Variants in PEG3 observed in about 807,000 individuals in gnomAD.
PEG3 encodes paternally expressed 3.
PEG3 carries 23 observed loss-of-function variants against 35.5 expected under a neutral mutation model. The observed-to-expected ratio is 0.65, with a 90% CI of 0.47 to 0.92. The LOEUF (loss-of-function observed/expected upper bound fraction) is 0.92. PEG3 is among the 40% of genes least tolerant of loss of function. PEG3 has a pLI of 0.00. For missense variants in PEG3, 1,960 were observed against 1,985.3 expected, an observed-to-expected ratio of 0.99 and a Z score of 0.24; for synonymous variants, 707 against 697.0, an observed-to-expected ratio of 1.01 and a Z score of -0.23.
chr19:56,840,106 C>T (rs928136988), intron 1 of PEG3, among the ~76,000 whole-genome samples: 1 of 152,216 alleles, frequency 6.6e-6, no homozygotes, highest in Non-Finnish European at 1.5e-5. Context: ...ATTTTCGCAG[C>T]CCCCAGACCC....
intron 7 of PEG3, among the ~76,000 whole-genome samples, chr19:56,820,031 A>C (rs1601001662): frequency 6.6e-6 from 1 of 152,212 alleles, no homozygotes; most frequent in East Asian, 1.9e-4. Flanking sequence ...TTCTTTTTTC[A>C]CATGAAAGAA....
At position 56,811,447 on chromosome 19, in the gene PEG3, C is replaced by T. The variant is rs1432000507; in HGVS notation, c.*2228G>A. ...TATATTTCCACGTTGCTACATAACTCGTGATTATCATTTTTAAACAGTTGC... is the reference window on the plus strand; with the variant it reads ...TATATTTCCACGTTGCTACATAACTTGTGATTATCATTTTTAAACAGTTGC... On this transcript the variant is annotated 3_prime_UTR_variant, in exon 10 of 10. Coordinates refer to ENST00000326441, the MANE Select transcript of PEG3 (RefSeq NM_006210.3). 87 of 944,390 alleles carry T rather than the reference C, an allele frequency of 9.2e-5. No individual in the cohort carries two copies. The highest frequency in any genetic ancestry group is 1.1e-4 in the Non-Finnish European group (86 of 792,748). The allele number at this position is 944,390 out of a possible 1,614,324, so 58.5% of individuals were successfully genotyped here.
At position 56,817,781 on chromosome 19, in the gene PEG3, C is replaced by T. The variant is rs368583066; in HGVS notation, c.827G>A (p.Arg276Lys). The T allele has an allele frequency of 6.2e-7, 1 of 1,614,022 alleles. No homozygotes were observed. Among genetic ancestry groups the T allele is most frequent in the Non-Finnish European group, 8.5e-7 (1 of 1,180,030 alleles). Residue 276 changes from arginine (R) to lysine (K), a missense_variant, in exon 9 of 10, where the codon AGA becomes AAA. Transcript: ENST00000326441. ...HSHMTQGHSS[R>K]SKRSAYPSTS... ...GCTTGGGTAGGCACTTCTCTTGGAT[C>T]TTGATGAGTGGCCCTGCGTCATGTG... is the stretch of plus-strand genomic sequence containing the variant.
rs758475116 is a variant in PEG3, at chr19:56,816,132, C to T, written c.2310G>A (p.Glu770=). The change falls in exon 10 of 10, where the codon GAG becomes GAA. Residue 770 remains glutamate (E), a synonymous_variant. Transcript: ENST00000326441. ...TAACAGACCTCTCATATGATTTTGC[C>T]TCATAGACATTTTCCTTAGTGGGAA... is the stretch of plus-strand genomic sequence containing the variant. ...QKIPTKENVY[E]AKSYERSVIH... 5.0e-6 allele frequency: 8 copies of T among 1,613,522 alleles called. No individual in the cohort carries two copies. The South Asian group carries it at 8.8e-5, about 18-fold the overall frequency.
At position 56,815,954 on chromosome 19, in the gene PEG3, A is replaced by G. The variant is rs773321061; in HGVS notation, c.2488T>C (p.Tyr830His). Residue 830 changes from tyrosine to histidine, a missense_variant, in exon 10 of 10, where the codon TAC becomes CAC. Physicochemically the swap from Tyr to His is moderately conservative, Grantham distance 83 (BLOSUM62 2). Coordinates refer to ENST00000326441, the MANE Select transcript of PEG3 (RefSeq NM_006210.3). Reference sequence around the variant, plus strand: ...AAGCTATGGATAACAGACCTACTGTATTCCCTTCCTTCAGAGGTGTTCCCT... The same window carrying G: ...AAGCTATGGATAACAGACCTACTGTGTTCCCTTCCTTCAGAGGTGTTCCCT... The part of the protein sequence containing the change: ...AGGNTSEGRE[Y>H]SRSVIHSLVA... 1 of 1,594,794 alleles carries G rather than the reference A, an allele frequency of 6.3e-7. No homozygotes were observed. The highest frequency in any genetic ancestry group is 2.2e-5 in the East Asian group (1 of 44,762).
chr19:56,835,936 C>T, intron 2 of PEG3, 82 bp downstream of exon 2: 2 of 459,840 alleles, frequency 4.3e-6, no homozygotes, highest in South Asian at 1.5e-5. Context: ...AACACATATG[C>T]AGTAGGAAAG....
chr19:56,816,289 T>A lies in PEG3; in HGVS notation c.2153A>T (p.Tyr718Phe). 6.2e-7 allele frequency: 1 copy of A among 1,614,000 alleles called. No individual in the cohort carries two copies. The highest frequency in any genetic ancestry group is 1.1e-5 in the South Asian group (1 of 91,076). The change falls in exon 10 of 10, where the codon TAT becomes TTT. Residue 718 changes from tyrosine (Y) to phenylalanine (F), a missense_variant. Physicochemically the swap from Tyr to Phe is conservative, Grantham distance 22. This residue lies in a region of PEG3 where 798 missense variants were observed against 782.4 expected (regional missense o/e 1.02). Coordinates refer to ENST00000326441, the MANE Select transcript of PEG3 (RefSeq NM_006210.3). ...CCCACTATGAATGACAGATTTCTCATACCCTCTGCCTTCAAAGAGGTTCTT... is the reference window on the plus strand; with the variant it reads ...CCCACTATGAATGACAGATTTCTCAAACCCTCTGCCTTCAAAGAGGTTCTT... ...SRKNLFEGRG[Y>F]EKSVIHSGPF... is the part of the protein sequence containing the mutation.
rs376017612 is a variant in PEG3 at position 56,811,137 on chromosome 19, T to A, written c.*2538A>T. On this transcript the variant is annotated 3_prime_UTR_variant, in exon 10 of 10. Coordinates refer to ENST00000326441, the MANE Select transcript of PEG3 (RefSeq NM_006210.3). ...CACTTTTCTGTATTTTCCAAGTGTG[T>A]GATAATGAGTTCAAATTATGTTCAC... 24 of 982,208 alleles carry A rather than the reference T, an allele frequency of 2.4e-5. No individual in the cohort carries two copies. In the African/African-American group the frequency reaches 3.5e-4, roughly 14 times the overall value. 60.8% of individuals were successfully genotyped at this position (982,208 alleles called of 1,614,324 possible). A position where few individuals can be genotyped will look rare whatever the true frequency, so the allele number is the denominator to read the frequency against.
rs377543997 is a variant in PEG3, at chr19:56,821,643, G to A, written c.669+8C>T. ...GCCTTTCTAGAAAGAGAGGAAACCT[G>A]AGCATACCTGAGATCGGGACTCATA... On this transcript the variant is annotated splice_region_variant and intron_variant, in intron 7 of 9. Coordinates refer to ENST00000326441, the MANE Select transcript of PEG3 (RefSeq NM_006210.3). 1 of 1,613,462 alleles carries A rather than the reference G, an allele frequency of 6.2e-7. No homozygotes were observed. The highest frequency in any genetic ancestry group is 1.1e-5 in the South Asian group (1 of 91,050).
intron 3 of PEG3, 139 bp from the exon 4 acceptor site, chr19:56,824,880 G>A: frequency 1.9e-6 from 1 of 526,198 alleles, no homozygotes; most frequent in Non-Finnish European, 3.4e-6. Flanking sequence ...GCACAAAGTT[G>A]GCCTCAGCAC....
At position 56,822,793 on chromosome 19, in the gene PEG3, C is replaced by G; in HGVS notation, c.525G>C (p.Glu175Asp). 6.2e-7 allele frequency: 1 copy of G among 1,614,136 alleles called. No individual in the cohort carries two copies. The highest frequency in any genetic ancestry group is 8.5e-7 in the Non-Finnish European group (1 of 1,180,026). Reference protein sequence around the residue: ...WDRRGRSRDMEPRDRWSHTRN... With the variant: ...WDRRGRSRDMDPRDRWSHTRN... Reference sequence around the variant, plus strand: ...TGGTGTGGGACCAGCGGTCTCGTGGCTCCATGTCTCTGCTTCTGCCCCTCC... The same window carrying G: ...TGGTGTGGGACCAGCGGTCTCGTGGGTCCATGTCTCTGCTTCTGCCCCTCC... Residue 175 changes from glutamate to aspartate, a missense_variant, in exon 6 of 10, where the codon GAG becomes GAC. Transcript: ENST00000326441.
chr19:56,815,658 AT>A lies in PEG3; in HGVS notation c.2783del (p.Asn928MetfsTer24). 1 of 1,614,124 alleles carries A rather than the reference AT, an allele frequency of 6.2e-7. No individual in the cohort carries two copies. The highest frequency in any genetic ancestry group is 1.1e-5 in the South Asian group (1 of 91,080). ...KDGEFSVPSS[N>X]VREYQKARAK... is the part of the protein sequence containing the mutation. The stretch of plus-strand genomic sequence containing the variant: ...CACGAGCCTTCTGGTATTCACGGAC[AT>A]TTGAGCTGGGAACAGAGAATTCGCC... On this transcript the variant is annotated frameshift_variant, in exon 10 of 10. Transcript: ENST00000326441. LOFTEE classifies it low-confidence loss of function (END_TRUNC).
Position 56,817,822 on chromosome 19 carries a change from T to C in PEG3, c.786A>G (p.Glu262=), listed in dbSNP as rs996556413. The C allele has an allele frequency of 3.1e-6, 5 of 1,614,030 alleles. No homozygotes were observed. Among genetic ancestry groups the C allele is most frequent in the Non-Finnish European group, 4.2e-6 (5 of 1,179,976 alleles). ...RKLLSLVQLA[E]DDGHSHMTQG... The stretch of plus-strand genomic sequence containing the variant: ...GCGTCATGTGGGAGTGGCCATCGTC[T>C]TCAGCAAGCTGCACTCCTGGTCACA... The change falls in exon 9 of 10, where the codon GAA becomes GAG. Residue 262 remains glutamate, a synonymous_variant. Transcript: ENST00000326441.
At chr19:56,820,134 A>C (rs995569077) in intron 7 of PEG3, among the ~76,000 whole-genome samples, 1 of 152,248 alleles carries the variant, frequency 6.6e-6, no homozygotes, top group Non-Finnish European at 1.5e-5. Flanking sequence ...ATGACATCTT[A>C]ATGCATACAA....
chr19:56,816,762 G>A lies in PEG3; in HGVS notation c.1680C>T (p.Asp560=), dbSNP rs986516947. The part of the protein sequence containing the change: ...FSELQKIYGK[D]KFYECRVCKE... Reference sequence around the variant, plus strand: ...TACACACCCTGCACTCGTAGAATTTGTCTTTGCCATATATTTTCTGAAGCT... The same window carrying A: ...TACACACCCTGCACTCGTAGAATTTATCTTTGCCATATATTTTCTGAAGCT... Residue 560 remains aspartate, a synonymous_variant, in exon 10 of 10, where the codon GAC becomes GAT. Coordinates refer to ENST00000326441, the MANE Select transcript of PEG3 (RefSeq NM_006210.3). 1.2e-6 allele frequency: 2 copies of A among 1,613,968 alleles called. No homozygotes were observed. The highest frequency in any genetic ancestry group is 2.7e-5 in the African/African-American group (2 of 74,892).
Position 56,816,384 on chromosome 19 carries a change from G to C in PEG3, c.2058C>G (p.Asp686Glu), listed in dbSNP as rs758237723. ...QKTYNKEKLCDFTDGRDAFMQ... is the reference protein window; with the variant it reads ...QKTYNKEKLCEFTDGRDAFMQ... ...TGAAGGCATCCCGGCCATCTGTAAA[G>C]TCACAGAGCTTCTCCTTATTGTAAG... is the stretch of plus-strand genomic sequence containing the variant. Residue 686 changes from aspartate (D) to glutamate (E), a missense_variant, in exon 10 of 10, where the codon GAC becomes GAG. By Grantham distance (45) the Asp-to-Glu change is conservative (BLOSUM62 2). Around this residue, in one of 5 missense-constraint regions of PEG3, gnomAD observed 798 missense variants for 782.4 expected, o/e 1.02. Coordinates refer to ENST00000326441, the MANE Select transcript of PEG3 (RefSeq NM_006210.3). 3.0e-5 allele frequency: 48 copies of C among 1,614,040 alleles called. 1 individual carries two copies. The South Asian group carries it at 3.8e-4, about 13-fold the overall frequency.
rs368764800 is a variant in PEG3 at position 56,813,649 on chromosome 19, G to A, written c.*26C>T. The A allele has an allele frequency of 3.2e-4, 516 of 1,593,564 alleles. No individual in the cohort carries two copies. The highest frequency in any genetic ancestry group is 2.5e-4 in the Non-Finnish European group (288 of 1,167,218). ...TGGTAAGGGTCAAGTCCTAGGTGAA[G>A]GTTTTCTAACCTTTACCCCATGCCC... On this transcript the variant is annotated 3_prime_UTR_variant, in exon 10 of 10. Coordinates refer to ENST00000326441, the MANE Select transcript of PEG3 (RefSeq NM_006210.3).
chr19:56,817,824 C>T lies in PEG3; in HGVS notation c.784G>A (p.Glu262Lys), dbSNP rs770908344. The part of the protein sequence containing the change: ...RKLLSLVQLA[E>K]DDGHSHMTQG... ...GTCATGTGGGAGTGGCCATCGTCTT[C>T]AGCAAGCTGCACTCCTGGTCACAAG... is the stretch of plus-strand genomic sequence containing the variant. The change falls in exon 9 of 10, where the codon GAA becomes AAA. Residue 262 changes from glutamate (E) to lysine (K), a missense_variant. By Grantham distance (56) the Glu-to-Lys change is moderately conservative (BLOSUM62 1). This residue lies in a region of PEG3 where 613 missense variants were observed against 577.1 expected (regional missense o/e 1.06). Coordinates refer to ENST00000326441, the MANE Select transcript of PEG3 (RefSeq NM_006210.3). The T allele has an allele frequency of 1.9e-5, 30 of 1,613,864 alleles. No individual in the cohort carries two copies. Among genetic ancestry groups the T allele is most frequent in the Non-Finnish European group, 1.9e-5 (23 of 1,179,958 alleles).
rs748675344 is a variant in PEG3 at position 56,815,078 on chromosome 19, G to A, written c.3364C>T (p.Leu1122Phe). The A allele has an allele frequency of 2.5e-6, 4 of 1,613,920 alleles. No homozygotes were observed. Among genetic ancestry groups the A allele is most frequent in the Non-Finnish European group, 3.4e-6 (4 of 1,179,858 alleles). The change falls in exon 10 of 10, where the codon CTC becomes TTC. Residue 1122 changes from leucine (L) to phenylalanine (F), a missense_variant. Around this residue, in one of 5 missense-constraint regions of PEG3, gnomAD observed 124 missense variants for 179.6 expected, o/e 0.69. Transcript: ENST00000326441. ...CGLGFVDLTD[L>F]TDHQKVHSRK... ...CTGTGGACTTTCTGATGGTCTGTGA[G>A]GTCTGTGAGATCCACAAAGCCCAGG...
Sources: allele counts gnomAD v4.1 joint callset (sites outside exome capture counted in the v4.1 genomes callset), GRCh38; gene constraint gnomAD v4.1.1; regional missense constraint gnomAD v4.1.1; transcripts MANE v1.5; gene names NCBI Gene and HGNC (gene_info 2026-07-23, HGNC 2026-07-21).